Variants in ZFYVE28 observed in about 807,000 individuals in gnomAD.
The protein encoded by ZFYVE28 is zinc finger FYVE-type containing 28.
A neutral mutation model predicts 82.1 loss-of-function variants in ZFYVE28; 40 were observed. The ratio of observed to expected loss-of-function variants is 0.49; its 90% CI spans 0.38 to 0.63. The LOEUF (loss-of-function observed/expected upper bound fraction) is 0.63. Among genes scored for constraint, ZFYVE28 ranks in the 30% least tolerant of loss-of-function variants. ZFYVE28 has a pLI of 0.00. For missense variants in ZFYVE28, 1,321 were observed against 1,242.1 expected (o/e 1.06, Z -0.96); for synonymous variants, 612 against 546.1 (o/e 1.12, Z -1.68).
chr4:2,318,565 G>C (rs61789440), intron 7 of ZFYVE28, among the ~76,000 whole-genome samples: 1 of 152,230 alleles, frequency 6.6e-6, no homozygotes, highest in Non-Finnish European at 1.5e-5. Flanking sequence ...GACGCTGGAG[G>C]AGATGCAGGC....
chr4:2,397,118 T>C (rs1318887222), intron 1 of ZFYVE28, among the ~76,000 whole-genome samples: 1 of 152,206 alleles, frequency 6.6e-6, no homozygotes, highest in Non-Finnish European at 1.5e-5. Context: ...TGCAGTGATG[T>C]AAACATAACA....
At chr4:2,411,620 C>G (rs966947469) in intron 1 of ZFYVE28, among the ~76,000 whole-genome samples, 1 of 152,202 alleles carries the variant, frequency 6.6e-6, no homozygotes, top group Non-Finnish European at 1.5e-5. Context: ...TCTGGGGTCC[C>G]GCGGACAGGA....
chr4:2,319,284 G>A (rs552327885), intron 7 of ZFYVE28, among the ~76,000 whole-genome samples: 8 of 152,198 alleles, frequency 5.3e-5, no homozygotes, highest in Non-Finnish European at 8.8e-5. Context: ...GGAAAGCAGC[G>A]ACAGCCATCT....
intron 10 of ZFYVE28, among the ~76,000 whole-genome samples, chr4:2,272,742 C>T (rs921225089): frequency 3.3e-5 from 5 of 152,146 alleles, no homozygotes; most frequent in South Asian, 2.1e-4. Context: ...GGGCAGCTCT[C>T]GGTAGAAGAG....
chr4:2,283,890 A>G (rs1482829404), intron 8 of ZFYVE28, among the ~76,000 whole-genome samples: 1 of 152,158 alleles, frequency 6.6e-6, no homozygotes, highest in Non-Finnish European at 1.5e-5. Context: ...CAGCCGACAG[A>G]CTGTAGGGAA....
chr4:2,346,209 G>A (rs760219498), intron 2 of ZFYVE28, among the ~76,000 whole-genome samples: 42 of 150,682 alleles, frequency 2.8e-4, no homozygotes, highest in Non-Finnish European at 4.7e-4. Flanking sequence ...GGGCGTGGTG[G>A]TGGGCGCCTA....
chr4:2,318,267 G>A (rs1718514082), intron 7 of ZFYVE28, among the ~76,000 whole-genome samples: 1 of 152,164 alleles, frequency 6.6e-6, no homozygotes. Context: ...TTTAAAAGCA[G>A]GATCTTTTGG....
At chr4:2,338,985 A>AT (rs34629793) in intron 4 of ZFYVE28, among the ~76,000 whole-genome samples, 39,133 of 151,280 alleles carry the variant, frequency 0.26, 5,272 homozygotes, top group Middle Eastern at 0.42. Context: ...AATTTTTTGT[A>AT]TTTTTTTTAG....
chr4:2,359,110 G>A (rs960478849), intron 1 of ZFYVE28, among the ~76,000 whole-genome samples: 1 of 151,798 alleles, frequency 6.6e-6, no homozygotes, highest in Admixed American at 6.6e-5. Flanking sequence ...AAGTAGCTGG[G>A]ACTACAGGCG....
In ZFYVE28 at chr4:2,332,538, T is replaced by G. The variant is rs899895598; in HGVS notation, c.701+3167A>C. ...CCAGAACATTCCACAGCACTGTGGG[T>G]CAGCCCATCTGTCCATCTCCCTGGT... is the stretch of plus-strand genomic sequence containing the variant. On this transcript the variant is annotated intron_variant, in intron 6 of 12. Coordinates refer to ENST00000290974, the MANE Select transcript of ZFYVE28 (RefSeq NM_020972.3). The surrounding 1 kb of genome is among the most constrained non-coding windows in gnomAD (Gnocchi z 4.7). Among the ~76,000 whole-genome samples the G allele has an allele frequency of 2.6e-5, 4 of 152,118 alleles. No homozygotes were observed. Among genetic ancestry groups the G allele is most frequent in the Non-Finnish European group, 5.9e-5 (4 of 67,998 alleles).
intron 7 of ZFYVE28, among the ~76,000 whole-genome samples, chr4:2,319,800 C>T (rs149563854): frequency 0.029 from 820 of 28,716 alleles, 10 homozygotes; most frequent in African/African-American, 0.093. Flanking sequence ...GCTTTGGGGA[C>T]GGTGGGGACG....
At chr4:2,364,866 A>T (rs1726663903) in intron 1 of ZFYVE28, 3 of 985,440 alleles carry the variant, frequency 3.0e-6, no homozygotes, top group Non-Finnish European at 3.6e-6. Flanking sequence ...GCCGCGGCAA[A>T]GTCGCGAGAG....
chr4:2,394,278 G>T lies in ZFYVE28; in HGVS notation c.39+24007C>A, dbSNP rs74602430. 2.6e-5 allele frequency among the ~76,000 whole-genome samples: 4 copies of T among 152,152 alleles called. No individual in the cohort carries two copies. Among genetic ancestry groups the T allele is most frequent in the Non-Finnish European group, 4.4e-5 (3 of 68,024 alleles). On this transcript the variant is annotated intron_variant, in intron 1 of 12. Coordinates refer to ENST00000290974, the MANE Select transcript of ZFYVE28 (RefSeq NM_020972.3). This position sits in a 1 kb window ranked among gnomAD's most constrained non-coding sequence, Gnocchi z 4.0. Reference sequence around the variant, plus strand: ...CTTCCCCTTTGCCACACACCTCATAGATTCATGGGTTCCAGGGATTCACAC... The same window carrying T: ...CTTCCCCTTTGCCACACACCTCATATATTCATGGGTTCCAGGGATTCACAC...
At position 2,339,407 on chromosome 4, in the gene ZFYVE28, T is replaced by A; in HGVS notation, c.521+46A>T. 6.3e-7 allele frequency: 1 copy of A among 1,587,090 alleles called. No individual in the cohort carries two copies. Among genetic ancestry groups the A allele is most frequent in the Non-Finnish European group, 8.6e-7 (1 of 1,164,336 alleles). On this transcript the variant is annotated intron_variant, in intron 4 of 12. Coordinates refer to ENST00000290974, the MANE Select transcript of ZFYVE28 (RefSeq NM_020972.3). This position sits in a 1 kb window ranked among gnomAD's most constrained non-coding sequence, Gnocchi z 5.0. Reference sequence around the variant, plus strand: ...TGAGCCCCGGAAGCTGGCACAACCGTCCCCCAGCTCATACAGCCAGGGCTG... The same window carrying A: ...TGAGCCCCGGAAGCTGGCACAACCGACCCCCAGCTCATACAGCCAGGGCTG...
intron 8 of ZFYVE28, among the ~76,000 whole-genome samples, chr4:2,296,349 C>G (rs1714571512): frequency 6.6e-6 from 1 of 152,206 alleles, no homozygotes; most frequent in Admixed American, 6.5e-5. Context: ...AGAGCAAGAA[C>G]CCAGCCCTGC....
Position 2,341,759 on chromosome 4 carries a change from C to T in ZFYVE28, c.181-144G>A. On this transcript the variant is annotated intron_variant, in intron 2 of 12. Transcript: ENST00000290974. The surrounding 1 kb of genome is among the most constrained non-coding windows in gnomAD (Gnocchi z 4.5). Reference sequence around the variant, plus strand: ...AGGAGGCTAGGCACGGTGGCTCATGCCTATAATGCCAGCACTTTGGGAGGC... The same window carrying T: ...AGGAGGCTAGGCACGGTGGCTCATGTCTATAATGCCAGCACTTTGGGAGGC... The T allele has an allele frequency of 1.6e-6, 2 of 1,214,198 alleles. No homozygotes were observed. Among genetic ancestry groups the T allele is most frequent in the African/African-American group, 1.5e-5 (1 of 65,800 alleles). The allele number at this position is 1,214,198 out of a possible 1,614,324, so 75.2% of individuals were successfully genotyped here.
At chr4:2,412,941 A>G (rs4974710) in intron 1 of ZFYVE28, among the ~76,000 whole-genome samples, 46,744 of 151,846 alleles carry the variant, frequency 0.31, 8,283 homozygotes, top group East Asian at 0.52. Flanking sequence ...GAGTCCAAAT[A>G]TCAATTACGT....
Position 2,335,748 on chromosome 4 carries a change from C to T in ZFYVE28, c.658G>A (p.Glu220Lys), listed in dbSNP as rs1305114307. Reference sequence around the variant, plus strand: ...GGGATGCTGAACATGAGGGCCGGCTCGTAGTCATCAATCATGTCCTGAGTC... The same window carrying T: ...GGGATGCTGAACATGAGGGCCGGCTTGTAGTCATCAATCATGTCCTGAGTC... ...YLTQDMIDDY[E>K]PALMFSIPRL... The change falls in exon 6 of 13, where the codon GAG (glutamate) becomes AAG (lysine). Residue 220 changes from glutamate to lysine, a missense_variant. Physicochemically the swap from Glu to Lys is moderately conservative, Grantham distance 56. This residue lies in a region of ZFYVE28 where 343 missense variants were observed against 408.4 expected (regional missense o/e 0.84). Coordinates refer to ENST00000290974, the MANE Select transcript of ZFYVE28 (RefSeq NM_020972.3). This position sits in a 1 kb window ranked among gnomAD's most constrained non-coding sequence, Gnocchi z 5.8. 3 of 1,574,788 alleles carry T rather than the reference C, an allele frequency of 1.9e-6. No individual in the cohort carries two copies. The highest frequency in any genetic ancestry group is 2.6e-6 in the Non-Finnish European group (3 of 1,160,190).
chr4:2,299,799 T>A (rs974130506), intron 8 of ZFYVE28, among the ~76,000 whole-genome samples: 1 of 151,102 alleles, frequency 6.6e-6, no homozygotes, highest in Non-Finnish European at 1.5e-5. Context: ...TTTCCTTATT[T>A]GTTTTGTTTT....
Sources: allele counts gnomAD v4.1 joint callset (sites outside exome capture counted in the v4.1 genomes callset), GRCh38; gene constraint gnomAD v4.1.1; regional missense constraint gnomAD v4.1.1; non-coding constraint Gnocchi (gnomAD v3.1); transcripts MANE v1.5; gene names NCBI Gene and HGNC (gene_info 2026-07-23, HGNC 2026-07-21).